PAQR5: variants seen among roughly 807,000 people sequenced by gnomAD.
The protein encoded by PAQR5 is membrane progestin receptor gamma.
In PAQR5, 20 loss-of-function variants were observed where a neutral mutation model predicts 34.5. The observed-to-expected ratio is 0.58, with a 90% confidence interval of 0.41 to 0.84. The LOEUF (loss-of-function observed/expected upper bound fraction) is 0.84. Ranked by LOEUF, PAQR5 falls within the 40% of genes least tolerant of loss-of-function variation. The probability of loss-of-function intolerance (pLI) is 0.00; values close to 1 mark genes in which losing one functional copy is unlikely to be tolerated. For missense variants in PAQR5, 378 were observed against 412.7 expected, an observed-to-expected ratio of 0.92 and a Z score of 0.73; for synonymous variants, 131 against 155.6, an observed-to-expected ratio of 0.84 and a Z score of 1.18.
intron 1 of PAQR5, among the ~76,000 whole-genome samples, chr15:69,325,479 C>T (rs948585986): frequency 6.6e-6 from 1 of 152,208 alleles, no homozygotes; most frequent in Non-Finnish European, 1.5e-5. Flanking sequence ...CAGATCTACA[C>T]TAGAATGTGA....
chr15:69,398,530 C>A (rs375011999), intron 7 of PAQR5, among the ~76,000 whole-genome samples: 4 of 152,178 alleles, frequency 2.6e-5, no homozygotes, highest in African/African-American at 9.7e-5. Flanking sequence ...CTCCTAGAGG[C>A]AGCGTCCTGT....
chr15:69,306,826 T>C (rs2053728195), intron 1 of PAQR5, among the ~76,000 whole-genome samples: 1 of 152,180 alleles, frequency 6.6e-6, no homozygotes, highest in East Asian at 1.9e-4. Context: ...CTGTACCCAG[T>C]AAACAATAAT....
chr15:69,373,338 C>A lies in PAQR5; in HGVS notation c.52-6545C>A, dbSNP rs567929183. On this transcript the variant is annotated intron_variant, in intron 3 of 8. Coordinates refer to ENST00000395407, the MANE Select transcript of PAQR5 (RefSeq NM_017705.4). ...TTAGGATGTGAACATTTTTGGGGAG[C>A]CATTATTCTGTCTACTGTAGAGTTA... Among the ~76,000 whole-genome samples the A allele has an allele frequency of 6.6e-5, 10 of 152,174 alleles. No homozygotes were observed. In the South Asian group the frequency reaches 1.9e-3, roughly 28 times the overall value.
intron 3 of PAQR5, among the ~76,000 whole-genome samples, chr15:69,365,121 TTTAG>T (rs2055365455): frequency 6.9e-6 from 1 of 145,214 alleles, no homozygotes; most frequent in African/African-American, 2.6e-5. Context: ...TATTTATTTA[TTTAG>T]AGACAGAGTC....
intron 3 of PAQR5, among the ~76,000 whole-genome samples, chr15:69,376,555 A>G (rs1332160233): frequency 6.6e-6 from 1 of 152,158 alleles, no homozygotes; most frequent in Non-Finnish European, 1.5e-5. Context: ...TCTAAGCTGG[A>G]ACATCATTGT....
chr15:69,308,870 G>T (rs2053772330), intron 1 of PAQR5, among the ~76,000 whole-genome samples: 1 of 152,044 alleles, frequency 6.6e-6, no homozygotes, highest in African/African-American at 2.4e-5. Flanking sequence ...TAGGCAAGCA[G>T]TGGTGAAGGT....
At chr15:69,365,688 AC>A (rs1336811825) in intron 3 of PAQR5, among the ~76,000 whole-genome samples, 3 of 152,200 alleles carry the variant, frequency 2.0e-5, no homozygotes, top group Non-Finnish European at 4.4e-5. Flanking sequence ...GATTCAGGTT[AC>A]GCCAACCACA....
chr15:69,337,840 C>T (rs1446326692), intron 2 of PAQR5, among the ~76,000 whole-genome samples: 2 of 151,936 alleles, frequency 1.3e-5, no homozygotes, highest in East Asian at 3.9e-4. Flanking sequence ...TTTGGGAGGC[C>T]CAGGTGGGTG....
chr15:69,364,843 A>G (rs2055353274), intron 3 of PAQR5, among the ~76,000 whole-genome samples: 1 of 151,044 alleles, frequency 6.6e-6, no homozygotes. Context: ...GGTTCAAGCA[A>G]TTCTCTGCCT....
intron 6 of PAQR5, among the ~76,000 whole-genome samples, chr15:69,392,731 C>T (rs913217523): frequency 2.0e-5 from 3 of 152,000 alleles, no homozygotes; most frequent in Admixed American, 2.0e-4. Flanking sequence ...TGACACCTGC[C>T]GGTATACACA....
At position 69,404,705 on chromosome 15, in the gene PAQR5, T is replaced by C. The variant is rs1218927335; in HGVS notation, c.*883T>C. The stretch of plus-strand genomic sequence containing the variant: ...TTTGATATTGCTTCAGCATTTCAAA[T>C]ATGTTGCAAAATTTAGTATCCATAT... On this transcript the variant is annotated 3_prime_UTR_variant, in exon 9 of 9. Coordinates refer to ENST00000395407, the MANE Select transcript of PAQR5 (RefSeq NM_017705.4). The C allele has an allele frequency of 5.3e-6, 2 of 377,092 alleles. No individual in the cohort carries two copies. The highest frequency in any genetic ancestry group is 7.7e-5 in the East Asian group (2 of 26,122). 23.4% of individuals were successfully genotyped at this position (377,092 alleles called of 1,614,324 possible).
intron 1 of PAQR5, among the ~76,000 whole-genome samples, chr15:69,325,590 T>C (rs1485286213): frequency 2.3e-3 from 3 of 1,286 alleles, no homozygotes; most frequent in Non-Finnish European, 0.038. Context: ...GTGTGCTGAA[T>C]GAATGAATGA....
chr15:69,311,577 C>T (rs28643352), intron 1 of PAQR5, among the ~76,000 whole-genome samples: 8,317 of 152,210 alleles, frequency 0.055, 737 homozygotes, highest in African/African-American at 0.19. Flanking sequence ...TCTTTCCCTG[C>T]CCTTAGTCGC....
intron 1 of PAQR5, among the ~76,000 whole-genome samples, chr15:69,316,869 G>A (rs2053963914): frequency 6.6e-6 from 1 of 152,168 alleles, no homozygotes; most frequent in South Asian, 2.1e-4. Context: ...CCCCCAGGCT[G>A]CGTGCAGTGG....
intron 3 of PAQR5, among the ~76,000 whole-genome samples, chr15:69,364,523 A>AATATATATACATTATATATGTT (rs1567022233): frequency 7.4e-6 from 1 of 134,298 alleles, no homozygotes; most frequent in Non-Finnish European, 1.6e-5. Flanking sequence ...TTATATATGT[A>AATATATATACATTATATATGTT]ATATATATAC....
At chr15:69,355,658 T>A (rs1415713348) in intron 2 of PAQR5, among the ~76,000 whole-genome samples, 1 of 151,936 alleles carries the variant, frequency 6.6e-6, no homozygotes, top group East Asian at 1.9e-4. Flanking sequence ...TGACCTCAGG[T>A]GATCCACCTG....
At chr15:69,313,621 A>G (rs1411386762) in intron 1 of PAQR5, among the ~76,000 whole-genome samples, 1 of 152,158 alleles carries the variant, frequency 6.6e-6, no homozygotes, top group Non-Finnish European at 1.5e-5. Flanking sequence ...GTATGTCTAG[A>G]AAAGGTAGGA....
chr15:69,300,115 C>G (rs2053498092), intron 1 of PAQR5, among the ~76,000 whole-genome samples: 1 of 152,138 alleles, frequency 6.6e-6, no homozygotes, highest in South Asian at 2.1e-4. Context: ...GTGCCCTTGA[C>G]TCAGCAGAGG....
At chr15:69,353,156 C>T (rs1012873897) in intron 2 of PAQR5, among the ~76,000 whole-genome samples, 1 of 152,192 alleles carries the variant, frequency 6.6e-6, no homozygotes, top group African/African-American at 2.4e-5. Context: ...GCTGAGTGCC[C>T]ATTCTGCCAG....
Sources: gnomAD v4.1 joint callset for allele counts (sites outside exome capture counted in the v4.1 genomes callset) on GRCh38, gnomAD v4.1.1 for gene constraint, MANE v1.5 for transcripts, NCBI Gene and HGNC (gene_info 2026-07-23, HGNC 2026-07-21) for gene names.